Variants in TENM4 observed in about 807,000 individuals in gnomAD.
TENM4 encodes teneurin-4.
Under a neutral mutation model 243.3 loss-of-function variants are expected in TENM4, and 82 were observed. That is an observed-to-expected ratio of 0.34 (90% confidence interval 0.28 to 0.40). The LOEUF (loss-of-function observed/expected upper bound fraction) is 0.40. Ranked by LOEUF, TENM4 falls within the 10% of genes least tolerant of loss-of-function variation. The pLI, the probability that TENM4 is intolerant of heterozygous loss-of-function variation, is 1.00. For missense variants in TENM4, 3,138 were observed against 3,673.3 expected, an observed-to-expected ratio of 0.85 and a Z score of 3.77; for synonymous variants, 1,412 against 1,456.3, an observed-to-expected ratio of 0.97 and a Z score of 0.69.
chr11:79,333,813 A>G (rs1447001812), intron 1 of TENM4, among the ~76,000 whole-genome samples: 1 of 152,236 alleles, frequency 6.6e-6, no homozygotes, highest in African/African-American at 2.4e-5. Flanking sequence ...AGTAAGACTC[A>G]AAGAGGTGAA....
intron 18 of TENM4, among the ~76,000 whole-genome samples, chr11:78,766,706 ATTTTTT>A (rs10678115): frequency 6.9e-6 from 1 of 144,186 alleles, no homozygotes; most frequent in Non-Finnish European, 1.5e-5. Flanking sequence ...GGCTCCCCCA[ATTTTTT>A]TTTTTTTTTT....
chr11:78,967,467 G>A (rs1199512878), intron 6 of TENM4, among the ~76,000 whole-genome samples: 1 of 152,190 alleles, frequency 6.6e-6, no homozygotes. Flanking sequence ...AATTTTTAAA[G>A]CAGGAAAGTG....
At chr11:78,712,434 A>G (rs760560994) in intron 26 of TENM4, 48 bp downstream of exon 26, 3 of 1,558,152 alleles carry the variant, frequency 1.9e-6, no homozygotes, top group African/African-American at 1.4e-5. Context: ...TGAAAAGGAA[A>G]ATACCCCAAT....
intron 28 of TENM4, among the ~76,000 whole-genome samples, chr11:78,690,458 A>G (rs147413319): frequency 5.9e-5 from 9 of 152,324 alleles, no homozygotes; most frequent in Admixed American, 1.3e-4. Context: ...GTATATTTCC[A>G]TGCTTTAAAA....
intron 6 of TENM4, among the ~76,000 whole-genome samples, chr11:79,029,105 A>G (rs999247552): frequency 6.6e-6 from 1 of 152,232 alleles, no homozygotes; most frequent in Non-Finnish European, 1.5e-5. Flanking sequence ...TCAGAAATAC[A>G]GGCCATCGTT....
At chr11:79,147,819 C>T (rs1385800749) in intron 4 of TENM4, among the ~76,000 whole-genome samples, 1 of 152,068 alleles carries the variant, frequency 6.6e-6, no homozygotes, top group East Asian at 1.9e-4. Flanking sequence ...CAGTCTATGG[C>T]CACATAGTCA....
At chr11:78,840,330 T>C (rs1370581461) in intron 12 of TENM4, among the ~76,000 whole-genome samples, 2 of 151,246 alleles carry the variant, frequency 1.3e-5, no homozygotes, top group African/African-American at 4.9e-5. Context: ...ATGACACAAA[T>C]GAAAATAAAA....
intron 3 of TENM4, among the ~76,000 whole-genome samples, chr11:79,203,501 T>A (rs10899609): frequency 0.18 from 28,029 of 152,204 alleles, 3,457 homozygotes; most frequent in Non-Finnish European, 0.27. Flanking sequence ...TACCAAACCC[T>A]GTATATACTA....
intron 3 of TENM4, among the ~76,000 whole-genome samples, chr11:79,184,431 A>G (rs1038295408): frequency 3.3e-5 from 5 of 151,976 alleles, no homozygotes; most frequent in African/African-American, 1.2e-4. Flanking sequence ...CACTGATCTG[A>G]TAGGAGGCAG....
intron 1 of TENM4, among the ~76,000 whole-genome samples, chr11:79,357,506 T>A (rs891266902): frequency 6.6e-6 from 1 of 152,198 alleles, no homozygotes; most frequent in African/African-American, 2.4e-5. Flanking sequence ...TCTGCCTTAA[T>A]CCAACTATGA....
At chr11:79,019,594 C>A (rs775053441) in intron 6 of TENM4, among the ~76,000 whole-genome samples, 2 of 152,236 alleles carry the variant, frequency 1.3e-5, no homozygotes, top group African/African-American at 2.4e-5. Context: ...AAGTACTTTT[C>A]CCACATTCTA....
At chr11:78,898,959 C>T (rs1855859398) in intron 7 of TENM4, among the ~76,000 whole-genome samples, 1 of 152,126 alleles carries the variant, frequency 6.6e-6, no homozygotes, top group African/African-American at 2.4e-5. Flanking sequence ...CAGACATTAT[C>T]TTAATATGTT....
intron 3 of TENM4, among the ~76,000 whole-genome samples, chr11:79,154,125 C>G (rs1862558616): frequency 7.0e-6 from 1 of 142,448 alleles, no homozygotes; most frequent in South Asian, 2.3e-4. Flanking sequence ...AAAGGAATAC[C>G]TGATGTTGGG....
intron 12 of TENM4, among the ~76,000 whole-genome samples, chr11:78,818,529 A>G (rs1188418944): frequency 6.6e-6 from 1 of 152,214 alleles, no homozygotes; most frequent in Non-Finnish European, 1.5e-5. Flanking sequence ...AAGGAGAAAT[A>G]TAGAGAATAT....
At chr11:79,341,610 A>G (rs562521257) in intron 1 of TENM4, among the ~76,000 whole-genome samples, 5 of 152,304 alleles carry the variant, frequency 3.3e-5, no homozygotes, top group Non-Finnish European at 7.3e-5. Flanking sequence ...TTCCACCAGA[A>G]AGTAGGGTAA....
intron 2 of TENM4, among the ~76,000 whole-genome samples, chr11:79,232,016 A>T (rs1864382131): frequency 6.6e-6 from 1 of 152,144 alleles, no homozygotes; most frequent in African/African-American, 2.4e-5. Context: ...GGAGGTGGAG[A>T]TTGCAGTGAG....
At chr11:79,224,440 T>C (rs1048494393) in intron 2 of TENM4, among the ~76,000 whole-genome samples, 2 of 152,086 alleles carry the variant, frequency 1.3e-5, no homozygotes, top group Admixed American at 6.5e-5. Context: ...TAGTATCTAG[T>C]AGTGCAAATG....
intron 1 of TENM4, among the ~76,000 whole-genome samples, chr11:79,409,932 A>C (rs1318626385): frequency 6.6e-6 from 1 of 152,160 alleles, no homozygotes; most frequent in African/African-American, 2.4e-5. Context: ...TAATCATTAA[A>C]TTACCCTCTG....
At chr11:79,179,290 C>A (rs1349195246) in intron 3 of TENM4, among the ~76,000 whole-genome samples, 1 of 152,230 alleles carries the variant, frequency 6.6e-6, no homozygotes, top group Non-Finnish European at 1.5e-5. Context: ...CTGCAAACTG[C>A]AAACGATGGC....
Sources: gnomAD v4.1 joint callset for allele counts (sites outside exome capture counted in the v4.1 genomes callset) on GRCh38, gnomAD v4.1.1 for gene constraint, MANE v1.5 for transcripts, NCBI Gene and HGNC (gene_info 2026-07-23, HGNC 2026-07-21) for gene names.